Variants in STAB1 observed in about 807,000 individuals in gnomAD.
STAB1 encodes the protein stabilin 1.
In STAB1, 250 loss-of-function variants were observed where a neutral mutation model predicts 332.4. The ratio of observed to expected loss-of-function variants is 0.75; its 90% CI spans 0.68 to 0.84. STAB1 has a LOEUF of 0.84. Ranked by LOEUF, STAB1 falls within the 40% of genes least tolerant of loss-of-function variation. The pLI is 0.00. For synonymous variants in STAB1, 1,475 were observed against 1,390.4 expected, an observed-to-expected ratio of 1.06 and a Z score of -1.35; for missense variants, 3,249 against 3,489.7, an observed-to-expected ratio of 0.93 and a Z score of 1.74.
intron 64 of STAB1, 22 bp downstream of exon 64, chr3:52,523,363 A>C: frequency 6.2e-7 from 1 of 1,609,248 alleles, no homozygotes; most frequent in Non-Finnish European, 8.5e-7. Flanking sequence ...GGGTGTGGGC[A>C]GAGCAGAGCC....
intron 26 of STAB1, 84 bp from the exon 27 acceptor site, chr3:52,512,257 G>T: frequency 3.7e-6 from 5 of 1,336,028 alleles, no homozygotes; most frequent in Non-Finnish European, 5.3e-6. Flanking sequence ...GGGCTGGGTG[G>T]CTGGACAGGC....
At chr3:52,519,137 T>C in intron 48 of STAB1, 127 bp from the exon 49 acceptor site, 2 of 1,062,728 alleles carry the variant, frequency 1.9e-6, no homozygotes, top group Admixed American at 4.4e-5. Flanking sequence ...CACCTCGTCC[T>C]GGTCCCGAAG....
In STAB1 at chr3:52,512,882, G is replaced by C. The variant is rs577144426; in HGVS notation, c.3082G>C (p.Glu1028Gln). The change falls in exon 29 of 69, where the codon GAG (glutamate) becomes CAG (glutamine). Residue 1028 changes from glutamate to glutamine, a missense_variant. Coordinates refer to ENST00000321725, the MANE Select transcript of STAB1 (RefSeq NM_015136.3). The stretch of plus-strand genomic sequence containing the variant: ...CCGAGTCACAGCCCTGGTGCCCTCC[G>C]AGGCTGCAGTCCGTCAGCTGAGCCC... Reference protein sequence around the residue: ...DRRVTALVPSEAAVRQLSPED... With the variant: ...DRRVTALVPSQAAVRQLSPED... 36 of 1,611,818 alleles carry C rather than the reference G, an allele frequency of 2.2e-5. No homozygotes were observed. In the South Asian group the frequency reaches 4.0e-4, roughly 18 times the overall value.
Position 52,504,884 on chromosome 3 carries a change from A to G in STAB1, c.1377+8A>G. The G allele has an allele frequency of 6.2e-7, 1 of 1,613,610 alleles. No homozygotes were observed. Among genetic ancestry groups the G allele is most frequent in the Non-Finnish European group, 8.5e-7 (1 of 1,180,002 alleles). The stretch of plus-strand genomic sequence containing the variant: ...ACCTTTAACCAATTCACGGTGAGGG[A>G]GGAGCCTCAGCCTGGGGACAAGAGG... On this transcript the variant is annotated splice_region_variant and intron_variant, in intron 12 of 68. Transcript: ENST00000321725.
In STAB1 at chr3:52,519,293, C is replaced by CAG. The variant is rs2078990763; in HGVS notation, c.5064_5065insAG (p.Val1689ArgfsTer3). On this transcript the variant is annotated frameshift_variant, in exon 49 of 69. Coordinates refer to ENST00000321725, the MANE Select transcript of STAB1 (RefSeq NM_015136.3). LOFTEE classifies it high-confidence loss of function. ...GCATATACCTCAATGACTTCGCGCG[C>CAG]GTGGTGAGCAGCGACCATGAGGCCG... is the stretch of plus-strand genomic sequence containing the variant. The CAG allele has an allele frequency of 1.9e-6, 3 of 1,613,040 alleles. No individual in the cohort carries two copies. The East Asian group carries it at 6.7e-5, about 36-fold the overall frequency.
At position 52,504,932 on chromosome 3, in the gene STAB1, G is replaced by A. The variant is rs1708734100; in HGVS notation, c.1377+56G>A. 3 of 1,613,010 alleles carry A rather than the reference G, an allele frequency of 1.9e-6. 1 individual carries two copies. Among genetic ancestry groups the A allele is most frequent in the Admixed American group, 3.3e-5 (2 of 60,012 alleles). The stretch of plus-strand genomic sequence containing the variant: ...AGGAGTCACAGCCTGGCAAGGGTGT[G>A]CAGGTGGGAGGGAGCCTCCGGACAG... On this transcript the variant is annotated intron_variant, in intron 12 of 68. Transcript: ENST00000321725.
In STAB1 at chr3:52,517,340, C is replaced by T. The variant is rs1575350839; in HGVS notation, c.4510C>T (p.His1504Tyr). Residue 1504 changes from histidine (H) to tyrosine (Y), a missense_variant, in exon 43 of 69, where the codon CAC (histidine) becomes TAC (tyrosine). By Grantham distance (83) the His-to-Tyr change is moderately conservative. Coordinates refer to ENST00000321725, the MANE Select transcript of STAB1 (RefSeq NM_015136.3). ...CCCAGAAATTAACAGCTGTCTCATC[C>T]ACCACGGGGGCTGCCACATTCACGC... is the stretch of plus-strand genomic sequence containing the variant. ...LCQEINSCLI[H>Y]HGGCHIHAEC... The T allele has an allele frequency of 1.9e-6, 3 of 1,596,312 alleles. No homozygotes were observed. The highest frequency in any genetic ancestry group is 1.3e-5 in the African/African-American group (1 of 74,180).
At chr3:52,505,513 C>T in intron 14 of STAB1, 132 bp downstream of exon 14, 2 of 1,216,104 alleles carry the variant, frequency 1.6e-6, no homozygotes. Context: ...CCCCCGTCCT[C>T]AAGCCTGAGG....
intron 66 of STAB1, 21 bp from the exon 67 acceptor site, chr3:52,523,850 A>T (rs567984140): frequency 6.9e-6 from 11 of 1,589,418 alleles, no homozygotes; most frequent in Non-Finnish European, 9.4e-6. Flanking sequence ...CCAGGTCAAC[A>T]CTCTCCCTGT....
chr3:52,506,063 A>T, intron 16 of STAB1, 107 bp from the exon 17 acceptor site: 1 of 1,514,722 alleles, frequency 6.6e-7, no homozygotes. Context: ...GCTATAGCAC[A>T]GAGCCTAGGG....
In STAB1 at chr3:52,505,162, C is replaced by G; in HGVS notation, c.1518+19C>G. The G allele has an allele frequency of 6.2e-7, 1 of 1,611,604 alleles. No individual in the cohort carries two copies. Among genetic ancestry groups the G allele is most frequent in the Non-Finnish European group, 8.5e-7 (1 of 1,179,158 alleles). Reference sequence around the variant, plus strand: ...TCCCAAGGTGAGCCAGCATCCTCCCCTCCCCTCCCCTGTGCTGCTGGGTAA... The same window carrying G: ...TCCCAAGGTGAGCCAGCATCCTCCCGTCCCCTCCCCTGTGCTGCTGGGTAA... On this transcript the variant is annotated intron_variant, in intron 13 of 68. Coordinates refer to ENST00000321725, the MANE Select transcript of STAB1 (RefSeq NM_015136.3).
chr3:52,516,794 C>T, intron 41 of STAB1, 26 bp downstream of exon 41: 1 of 1,600,030 alleles, frequency 6.2e-7, no homozygotes, highest in South Asian at 1.1e-5. Context: ...TGCCCAGGGC[C>T]CTCCCTGAAA....
Position 52,522,065 on chromosome 3 carries a change from T to C in STAB1, c.6300T>C (p.Gly2100=), listed in dbSNP as rs2079091303. ...CAGACCTGTGCCAGGACGGGCATGG[T>C]GGCTGCAGTGAGCACGCCAACTGTA... The part of the protein sequence containing the change: ...TVADLCQDGH[G]GCSEHANCSQ... The change falls in exon 59 of 69, where the codon GGT becomes GGC. Residue 2100 remains glycine (G), a synonymous_variant. Transcript: ENST00000321725. 1 of 1,613,206 alleles carries C rather than the reference T, an allele frequency of 6.2e-7. No homozygotes were observed. Among genetic ancestry groups the C allele is most frequent in the Non-Finnish European group, 8.5e-7 (1 of 1,179,998 alleles).
Position 52,503,835 on chromosome 3 carries a change from G to A in STAB1, c.955G>A (p.Ala319Thr), listed in dbSNP as rs765422341. ...INSNASAGCF[A>T]FCSPFSCDRS... ...CAGCAACGCTTCTGCGGGCTGCTTCGCCTTCTGCTCCCCCTTCTCCTGCGA... is the reference window on the plus strand; with the variant it reads ...CAGCAACGCTTCTGCGGGCTGCTTCACCTTCTGCTCCCCCTTCTCCTGCGA... Residue 319 changes from alanine (A) to threonine (T), a missense_variant, in exon 9 of 69, where the codon GCC becomes ACC. Coordinates refer to ENST00000321725, the MANE Select transcript of STAB1 (RefSeq NM_015136.3). The A allele has an allele frequency of 1.7e-5, 28 of 1,613,102 alleles. No individual in the cohort carries two copies. The highest frequency in any genetic ancestry group is 6.7e-5 in the East Asian group (3 of 44,898).
Position 52,504,552 on chromosome 3 carries a change from A to T in STAB1, c.1239+3A>T, listed in dbSNP as rs1708703130. On this transcript the variant is annotated splice_donor_region_variant and intron_variant, in intron 11 of 68. Transcript: ENST00000321725. ...CCTTCTCCTCCAGGACCATGAATGT[A>T]AGCCCCTCCCCATGGTGGAGCTGGC... 6.2e-7 allele frequency: 1 copy of T among 1,613,852 alleles called. No individual in the cohort carries two copies. The highest frequency in any genetic ancestry group is 8.5e-7 in the Non-Finnish European group (1 of 1,179,974).
chr3:52,508,190 A>C, intron 20 of STAB1, 83 bp from the exon 21 acceptor site: 1 of 1,422,012 alleles, frequency 7.0e-7, no homozygotes, highest in Non-Finnish European at 9.7e-7. Flanking sequence ...GTCACTCTGG[A>C]GATGGGGCCA....
In STAB1 at chr3:52,515,159, C is replaced by T. The variant is rs1479690113; in HGVS notation, c.3864+114C>T. 4 of 1,359,336 alleles carry T rather than the reference C, an allele frequency of 2.9e-6. No homozygotes were observed. The Admixed American group carries it at 6.3e-5, about 21-fold the overall frequency. 84.2% of individuals were successfully genotyped at this position (1,359,336 alleles called of 1,614,324 possible). A position where few individuals can be genotyped will look rare whatever the true frequency, so the allele number is the denominator to read the frequency against. Reference sequence around the variant, plus strand: ...TTTGCTTGGCCCAGGCATCCAGGCTCAGGGAACTGGGTGGCTGACGTCCCC... The same window carrying T: ...TTTGCTTGGCCCAGGCATCCAGGCTTAGGGAACTGGGTGGCTGACGTCCCC... On this transcript the variant is annotated intron_variant, in intron 36 of 68. Transcript: ENST00000321725.
Position 52,516,113 on chromosome 3 carries a change from G to A in STAB1, c.4019G>A (p.Cys1340Tyr). 2 of 1,611,970 alleles carry A rather than the reference G, an allele frequency of 1.2e-6. No individual in the cohort carries two copies. The highest frequency in any genetic ancestry group is 1.7e-6 in the Non-Finnish European group (2 of 1,179,594). ...EPCPGGLGGV[C>Y]SGHGQCQDRF... ...TGCCCAGGGGGTCTAGGGGGGGTGT[G>A]CTCAGGCCATGGGCAGTGCCAGGAC... is the stretch of plus-strand genomic sequence containing the variant. The change falls in exon 38 of 69, where the codon TGC becomes TAC. Residue 1340 changes from cysteine to tyrosine, a missense_variant. Transcript: ENST00000321725.
rs764467120 is a variant in STAB1, at chr3:52,522,324, C to A, written c.6466-6C>A. Reference sequence around the variant, plus strand: ...GAAGGGCGCCCACTGCTCTCTCCAACCCCAGAACACACGGCGCTGTGAGTG... The same window carrying A: ...GAAGGGCGCCCACTGCTCTCTCCAAACCCAGAACACACGGCGCTGTGAGTG... On this transcript the variant is annotated splice_region_variant and splice_polypyrimidine_tract_variant and intron_variant, in intron 59 of 68. Coordinates refer to ENST00000321725, the MANE Select transcript of STAB1 (RefSeq NM_015136.3). 1.2e-6 allele frequency: 2 copies of A among 1,612,904 alleles called. No individual in the cohort carries two copies. The highest frequency in any genetic ancestry group is 1.1e-5 in the South Asian group (1 of 91,088).
Sources: gnomAD v4.1 joint callset for allele counts on GRCh38, gnomAD v4.1.1 for gene constraint, MANE v1.5 for transcripts, NCBI Gene and HGNC (gene_info 2026-07-23, HGNC 2026-07-21) for gene names.